VPS35L: variants seen among roughly 807,000 people sequenced by gnomAD.
VPS35L encodes VPS35 endosomal protein-sorting factor-like.
A neutral mutation model predicts 133.0 loss-of-function variants in VPS35L; 83 were observed. That is an observed-to-expected ratio of 0.62 (90% CI 0.52 to 0.75). The LOEUF is 0.75. Among genes scored for constraint, VPS35L ranks in the 30% least tolerant of loss-of-function variants. The probability of loss-of-function intolerance (pLI) is 0.00; values close to 1 mark genes in which losing one functional copy is unlikely to be tolerated. For missense variants in VPS35L, 1,083 were observed against 1,206.8 expected (o/e 0.90, Z 1.52); for synonymous variants, 423 against 449.9 (o/e 0.94, Z 0.76).
At chr16:19,660,083 T>G (rs898032312) in intron 26 of VPS35L, among the ~76,000 whole-genome samples, 2 of 151,996 alleles carry the variant, frequency 1.3e-5, no homozygotes, top group Non-Finnish European at 2.9e-5. Context: ...CCCAGCACTT[T>G]GGGAGGCCGA....
At chr16:19,556,556 G>C (rs556026694) in intron 1 of VPS35L, among the ~76,000 whole-genome samples, 153 of 152,268 alleles carry the variant, frequency 1.0e-3, no homozygotes, top group African/African-American at 3.6e-3. Flanking sequence ...GATGATAGTG[G>C]GATTTGGGGA....
At chr16:19,576,180 AC>A (rs377748493) in intron 5 of VPS35L, among the ~76,000 whole-genome samples, 5 of 137,506 alleles carry the variant, frequency 3.6e-5, no homozygotes, top group Admixed American at 7.1e-5. Flanking sequence ...AAAAAAAAAA[AC>A]AAAAAAAAAA....
At chr16:19,594,677 GA>G (rs893471358) in intron 8 of VPS35L, among the ~76,000 whole-genome samples, 9 of 110,616 alleles carry the variant, frequency 8.1e-5, no homozygotes, top group African/African-American at 2.0e-4. Flanking sequence ...AAAAAGAAGA[GA>G]AAAAAAATCC....
At chr16:19,625,970 G>A (rs916169617) in intron 14 of VPS35L, among the ~76,000 whole-genome samples, 8 of 151,866 alleles carry the variant, frequency 5.3e-5, no homozygotes, top group African/African-American at 1.7e-4. Flanking sequence ...CACTGTACCC[G>A]GCCCCCTCCT....
At chr16:19,666,927 T>TCTTCCTTTCTTCCTTTCTTC (rs57691626) in intron 26 of VPS35L, among the ~76,000 whole-genome samples, 13 of 62,958 alleles carry the variant, frequency 2.1e-4, no homozygotes, top group East Asian at 4.3e-4. Flanking sequence ...TTTCTTTCTT[T>TCTTCCTTTCTTCCTTTCTTC]CTTTCTTCCT....
At chr16:19,691,072 T>A (rs1158706724) in intron 28 of VPS35L, among the ~76,000 whole-genome samples, 2 of 152,140 alleles carry the variant, frequency 1.3e-5, no homozygotes, top group African/African-American at 4.8e-5. Context: ...GCTGCTGTGA[T>A]GATGATTATT....
At chr16:19,609,535 C>G (rs1314886896) in intron 11 of VPS35L, among the ~76,000 whole-genome samples, 1 of 152,182 alleles carries the variant, frequency 6.6e-6, no homozygotes, top group Non-Finnish European at 1.5e-5. Flanking sequence ...GGCTTAGGTC[C>G]ATGCCACTCA....
chr16:19,647,501 C>G (rs1233287697), intron 23 of VPS35L, among the ~76,000 whole-genome samples: 1 of 152,174 alleles, frequency 6.6e-6, no homozygotes, highest in Non-Finnish European at 1.5e-5. Flanking sequence ...CGATGGCAAA[C>G]CTTCTGACAA....
chr16:19,661,060 A>G (rs1974468420), intron 26 of VPS35L, among the ~76,000 whole-genome samples: 1 of 100,178 alleles, frequency 1.0e-5, no homozygotes, highest in Admixed American at 8.8e-5. Flanking sequence ...CCATTTATCT[A>G]TATTCTTATA....
intron 26 of VPS35L, among the ~76,000 whole-genome samples, chr16:19,664,355 T>C (rs1196757548): frequency 6.6e-6 from 1 of 151,960 alleles, no homozygotes; most frequent in African/African-American, 2.4e-5. Context: ...GTTTGCTCTC[T>C]GCCCAGCAGA....
At position 19,639,046 on chromosome 16, in the gene VPS35L, C is replaced by A. The variant is rs1418741161; in HGVS notation, c.1699-969C>A. On this transcript the variant is annotated intron_variant, in intron 20 of 30. Coordinates refer to ENST00000417362, the MANE Select transcript of VPS35L (RefSeq NM_020314.7). The surrounding 1 kb of genome is among the most constrained non-coding windows in gnomAD (Gnocchi z 4.1). ...CCGAGATTGCACCAGGGCACTCGAG[C>A]CTAGACAACAGAGCGAAACTCTGTT... Among the ~76,000 whole-genome samples, 1 of 152,100 alleles carries A rather than the reference C, an allele frequency of 6.6e-6. No individual in the cohort carries two copies. Among genetic ancestry groups the A allele is most frequent in the Non-Finnish European group, 1.5e-5 (1 of 68,022 alleles).
chr16:19,604,681 T>C (rs569070312), intron 9 of VPS35L, among the ~76,000 whole-genome samples: 6 of 152,358 alleles, frequency 3.9e-5, no homozygotes, highest in Non-Finnish European at 8.8e-5. Context: ...TGTGCAGAAT[T>C]CTGCCCAAAG....
chr16:19,661,589 A>G (rs1222276035), intron 26 of VPS35L, among the ~76,000 whole-genome samples: 1 of 152,180 alleles, frequency 6.6e-6, no homozygotes, highest in Admixed American at 6.5e-5. Context: ...AGCCTTGAGA[A>G]GAAGAACCCT....
rs34954224 is a variant in VPS35L, at chr16:19,576,734, AT to A, written c.433+1626del. On this transcript the variant is annotated intron_variant, in intron 5 of 30. Coordinates refer to ENST00000417362, the MANE Select transcript of VPS35L (RefSeq NM_020314.7). Reference sequence around the variant, plus strand: ...TGGGAACAGCTTTGTTATGCATAGAATTTTTTTTTTTTTTGAGATGGAATTT... The same window carrying A: ...TGGGAACAGCTTTGTTATGCATAGAATTTTTTTTTTTTTGAGATGGAATTT... Among the ~76,000 whole-genome samples the A allele has an allele frequency of 2.2e-3, 315 of 146,098 alleles. 2 individuals carry two copies. The highest frequency in any genetic ancestry group is 4.9e-3 in the African/African-American group (197 of 40,048).
In VPS35L at chr16:19,579,326, C is replaced by G. The variant is rs1294849667; in HGVS notation, c.510+198C>G. The G allele has an allele frequency of 1.9e-5, 10 of 537,350 alleles. No homozygotes were observed. In the South Asian group the frequency reaches 2.6e-4, roughly 14 times the overall value. 33.3% of individuals were successfully genotyped at this position (537,350 alleles called of 1,614,324 possible). On this transcript the variant is annotated intron_variant, in intron 6 of 30. Coordinates refer to ENST00000417362, the MANE Select transcript of VPS35L (RefSeq NM_020314.7). ...GCTCACGGAAGCCTGACTGGGGCTG[C>G]TTTTCTAGAGGCCTCTTTTCTCATT... is the stretch of plus-strand genomic sequence containing the variant.
At chr16:19,627,841 T>TA (rs748981322) in intron 16 of VPS35L, 36 bp downstream of exon 16, 103 of 1,497,424 alleles carry the variant, frequency 6.9e-5, no homozygotes, top group Non-Finnish European at 7.3e-5. Context: ...AGGACACAAA[T>TA]AAGCGGTGTG....
intron 29 of VPS35L, among the ~76,000 whole-genome samples, chr16:19,693,825 T>C (rs904520437): frequency 6.6e-6 from 1 of 151,524 alleles, no homozygotes; most frequent in African/African-American, 2.4e-5. Context: ...GGTGAGTGCC[T>C]GTAGTCCCAG....
intron 8 of VPS35L, among the ~76,000 whole-genome samples, chr16:19,592,616 TC>T: frequency 6.6e-6 from 1 of 152,024 alleles, no homozygotes; most frequent in South Asian, 2.1e-4. Context: ...CCATGTCCAG[TC>T]ACCAGATTCT....
intron 14 of VPS35L, chr16:19,617,091 C>A (rs1479141554): frequency 8.3e-6 from 5 of 601,458 alleles, no homozygotes; most frequent in Non-Finnish European, 1.5e-5. Context: ...TGGGTGTGCT[C>A]ATATCTGTAA....
Sources: gnomAD v4.1 joint callset for allele counts (sites outside exome capture counted in the v4.1 genomes callset) on GRCh38, gnomAD v4.1.1 for gene constraint, Gnocchi (gnomAD v3.1) non-coding constraint, MANE v1.5 for transcripts, NCBI Gene and HGNC (gene_info 2026-07-23, HGNC 2026-07-21) for gene names.